The following TBP variants were observed in gnomAD, a reference collection of about 807,000 sequenced individuals.
The protein encoded by TBP is TATA-box binding protein, also known as TATA-box-binding protein.
Under a neutral mutation model 46.2 loss-of-function variants are expected in TBP, and 12 were observed. The ratio of observed to expected loss-of-function variants is 0.26; its 90% CI spans 0.17 to 0.42. The LOEUF (loss-of-function observed/expected upper bound fraction) is 0.42. Ranked by LOEUF, TBP falls within the 10% of genes least tolerant of loss-of-function variation. TBP has a pLI of 1.00. For synonymous variants in TBP, 157 were observed against 148.3 expected (o/e 1.06, Z -0.42); for missense variants, 229 against 403.1 (o/e 0.57, Z 3.70).
At chr6:170,563,764 T>G (rs1181533580) in intron 3 of TBP, among the ~76,000 whole-genome samples, 1 of 152,258 alleles carries the variant, frequency 6.6e-6, no homozygotes, top group African/African-American at 2.4e-5. Flanking sequence ...AGACAGTTGT[T>G]GAGCAGTTAA....
rs931271972 is a variant in TBP, at chr6:170,556,901, G to A, written c.-129G>A. 2 of 839,886 alleles carry A rather than the reference G, an allele frequency of 2.4e-6. No individual in the cohort carries two copies. Among genetic ancestry groups the A allele is most frequent in the African/African-American group, 3.4e-5 (2 of 58,776 alleles). The allele number at this position is 839,886 out of a possible 1,614,324, so 52.0% of individuals were successfully genotyped here. A position where few individuals can be genotyped will look rare whatever the true frequency, so the allele number is the denominator to read the frequency against. On this transcript the variant is annotated 5_prime_UTR_variant, in exon 2 of 8. The change creates a new upstream start codon in the 5' untranslated region. Transcript: ENST00000392092. Reference sequence around the variant, plus strand: ...AAGCAGCATCACTGTTTCTTGGCGTGTGAAGATAACCCAAGGAATTGAGGA... The same window carrying A: ...AAGCAGCATCACTGTTTCTTGGCGTATGAAGATAACCCAAGGAATTGAGGA...
At chr6:170,556,364 C>CT (rs576779844) in intron 1 of TBP, among the ~76,000 whole-genome samples, 1,574 of 93,338 alleles carry the variant, frequency 0.017, 17 homozygotes, top group Middle Eastern at 0.057. Context: ...CTTTGTGCGG[C>CT]TTTTTTTTTT....
intron 5 of TBP, 109 bp from the exon 6 acceptor site, chr6:170,569,503 A>C (rs1216098527): frequency 1.2e-6 from 1 of 862,912 alleles, no homozygotes; most frequent in Non-Finnish European, 1.7e-6. Flanking sequence ...AAGGCTGACC[A>C]GTTTACACTT....
At chr6:170,571,293 T>C (rs913708262) in intron 6 of TBP, 117 bp from the exon 7 acceptor site, 3 of 689,980 alleles carry the variant, frequency 4.3e-6, no homozygotes, top group Non-Finnish European at 7.4e-6. Flanking sequence ...CTTGAAGAAC[T>C]GTGTTTTACC....
chr6:170,563,247 A>G (rs1212840764), intron 3 of TBP, among the ~76,000 whole-genome samples: 1 of 152,186 alleles, frequency 6.6e-6, no homozygotes, highest in Non-Finnish European at 1.5e-5. Flanking sequence ...TGATTTAAAT[A>G]ATAAATTATA....
intron 2 of TBP, among the ~76,000 whole-genome samples, 185 bp from the exon 3 acceptor site, chr6:170,561,606 T>A (rs1257861954): frequency 6.6e-6 from 1 of 152,256 alleles, no homozygotes; most frequent in Non-Finnish European, 1.5e-5. Flanking sequence ...TTATCCACTG[T>A]GTGGTATTAA....
intron 3 of TBP, among the ~76,000 whole-genome samples, chr6:170,562,725 T>C (rs1258265371): frequency 6.6e-6 from 1 of 152,232 alleles, no homozygotes; most frequent in African/African-American, 2.4e-5. Flanking sequence ...AATGGATTTT[T>C]CTACCTAAAT....
At chr6:170,557,562 T>G (rs534008998) in intron 2 of TBP, among the ~76,000 whole-genome samples, 1 of 151,824 alleles carries the variant, frequency 6.6e-6, no homozygotes, top group African/African-American at 2.4e-5. Flanking sequence ...TGGTGAAACC[T>G]CATCTCTACA....
intron 6 of TBP, among the ~76,000 whole-genome samples, chr6:170,570,917 TTTGA>T (rs1206010519): frequency 2.0e-5 from 3 of 152,146 alleles, no homozygotes; most frequent in Non-Finnish European, 4.4e-5. Flanking sequence ...AGTATATAAG[TTTGA>T]TTAAATTTCC....
intron 5 of TBP, 40 bp from the exon 6 acceptor site, chr6:170,569,572 G>A (rs1354666961): frequency 6.3e-7 from 1 of 1,579,562 alleles, no homozygotes. Context: ...TATTTTAGCT[G>A]GCTCTGAGTA....
At chr6:170,566,006 C>T (rs9460226) in intron 4 of TBP, among the ~76,000 whole-genome samples, 3 of 151,698 alleles carry the variant, frequency 2.0e-5, no homozygotes, top group African/African-American at 4.9e-5. Context: ...CTCAGGAATT[C>T]GAGGCTGCAG....
At chr6:170,554,995 T>A (rs1322253642) in intron 1 of TBP, among the ~76,000 whole-genome samples, 1 of 152,234 alleles carries the variant, frequency 6.6e-6, no homozygotes, top group Non-Finnish European at 1.5e-5. Flanking sequence ...CTAGGTAGAC[T>A]TTTCTGTGAA....
intron 2 of TBP, among the ~76,000 whole-genome samples, chr6:170,557,430 C>A (rs902767731): frequency 6.6e-6 from 1 of 152,060 alleles, no homozygotes; most frequent in Non-Finnish European, 1.5e-5. Flanking sequence ...TCTCAACCAC[C>A]CATCTACTTT....
chr6:170,562,280 G>T, intron 3 of TBP, 47 bp downstream of exon 3: 1 of 1,565,528 alleles, frequency 6.4e-7, no homozygotes, highest in South Asian at 1.2e-5. Flanking sequence ...GAGTCCCTTT[G>T]AGTTATGTTC....
At position 170,556,955 on chromosome 6, in the gene TBP, C is replaced by G; in HGVS notation, c.-75C>G. 1.4e-6 allele frequency: 2 copies of G among 1,428,244 alleles called. No individual in the cohort carries two copies. Among genetic ancestry groups the G allele is most frequent in the Non-Finnish European group, 2.0e-6 (2 of 1,013,622 alleles). The allele number at this position is 1,428,244 out of a possible 1,614,324, so 88.5% of individuals were successfully genotyped here. Reference sequence around the variant, plus strand: ...TGCTGAGAAGAGTGTGCTGGAGATGCTCTAGGAAAAAATTGAATAGTGAGA... The same window carrying G: ...TGCTGAGAAGAGTGTGCTGGAGATGGTCTAGGAAAAAATTGAATAGTGAGA... On this transcript the variant is annotated 5_prime_UTR_variant, in exon 2 of 8. Transcript: ENST00000392092.
intron 3 of TBP, 141 bp downstream of exon 3, chr6:170,562,374 C>T (rs1779166350): frequency 1.0e-6 from 1 of 971,712 alleles, no homozygotes. Context: ...CTTTATCTCA[C>T]ATTTGGGAAA....
intron 4 of TBP, 125 bp downstream of exon 4, chr6:170,564,757 A>G (rs1430256184): frequency 6.3e-6 from 3 of 475,092 alleles, no homozygotes; most frequent in Non-Finnish European, 1.1e-5. Flanking sequence ...ACAGTGGCTA[A>G]TGCCTGTAAT....
rs1413719834 is a variant in TBP, at chr6:170,561,116, CCT to C, written c.55-672_55-671del. 2.0e-5 allele frequency among the ~76,000 whole-genome samples: 3 copies of C among 152,310 alleles called. No homozygotes were observed. In the East Asian group the frequency reaches 5.8e-4, roughly 29 times the overall value. On this transcript the variant is annotated intron_variant, in intron 2 of 7. Transcript: ENST00000392092. ...GCAGCCATCAACATCGAGGCAAGAT[CCT>C]CTGTCAGCAAAAAGATTATGATTTG...
In TBP at chr6:170,572,407, T is replaced by G. The variant is rs1779381268; in HGVS notation, c.*142T>G. On this transcript the variant is annotated 3_prime_UTR_variant, in exon 8 of 8. Coordinates refer to ENST00000392092, the MANE Select transcript of TBP (RefSeq NM_003194.5). Reference sequence around the variant, plus strand: ...GGTGTGGCACCAGGTGATGCCCTTCTGTAAGTGCCCACCGCGGGATGCCGG... The same window carrying G: ...GGTGTGGCACCAGGTGATGCCCTTCGGTAAGTGCCCACCGCGGGATGCCGG... 2.9e-6 allele frequency: 2 copies of G among 701,460 alleles called. No homozygotes were observed. 43.5% of individuals were successfully genotyped at this position (701,460 alleles called of 1,614,324 possible). A position where few individuals can be genotyped will look rare whatever the true frequency, so the allele number is the denominator to read the frequency against.
Sources: allele counts gnomAD v4.1 joint callset (sites outside exome capture counted in the v4.1 genomes callset), GRCh38; gene constraint gnomAD v4.1.1; transcripts MANE v1.5; gene names NCBI Gene and HGNC (gene_info 2026-07-23, HGNC 2026-07-21).